MAPKAP1: variants seen among roughly 807,000 people sequenced by gnomAD.
MAPKAP1 encodes MAPK associated protein 1.
Under a neutral mutation model 65.7 loss-of-function variants are expected in MAPKAP1, and 20 were observed. That is an observed-to-expected ratio of 0.30 (90% confidence interval 0.21 to 0.44). The LOEUF is 0.44. Ranked by LOEUF, MAPKAP1 falls within the 20% of genes least tolerant of loss-of-function variation. The probability of loss-of-function intolerance (pLI) is 1.00; values close to 1 mark genes in which losing one functional copy is unlikely to be tolerated. For synonymous variants in MAPKAP1, 222 were observed against 244.3 expected (o/e 0.91, Z 0.85); for missense variants, 423 against 648.0 (o/e 0.65, Z 3.77).
chr9:125,632,795 T>C (rs2131689319), intron 4 of MAPKAP1, among the ~76,000 whole-genome samples: 1 of 152,306 alleles, frequency 6.6e-6, no homozygotes, highest in Admixed American at 6.5e-5. Flanking sequence ...CATAAATCCA[T>C]TAATCACCAC....
chr9:125,646,141 G>C (rs1029296482), intron 4 of MAPKAP1, among the ~76,000 whole-genome samples: 2 of 152,078 alleles, frequency 1.3e-5, no homozygotes, highest in African/African-American at 4.8e-5. Context: ...TGCTTTTCCT[G>C]TGTCAATCTG....
At chr9:125,476,196 A>G (rs1854101576) in intron 9 of MAPKAP1, among the ~76,000 whole-genome samples, 1 of 152,242 alleles carries the variant, frequency 6.6e-6, no homozygotes, top group South Asian at 2.1e-4. Context: ...CACTGCATTT[A>G]GTGCAAAAGT....
chr9:125,678,672 T>A (rs1305475540), intron 1 of MAPKAP1, among the ~76,000 whole-genome samples: 1 of 152,202 alleles, frequency 6.6e-6, no homozygotes, highest in Non-Finnish European at 1.5e-5. Flanking sequence ...GTTCCCAGAT[T>A]ACACACCCAT....
At chr9:125,531,509 T>G (rs568109477) in intron 7 of MAPKAP1, among the ~76,000 whole-genome samples, 1 of 152,376 alleles carries the variant, frequency 6.6e-6, no homozygotes, top group South Asian at 2.1e-4. Context: ...TGGGAGAAAC[T>G]ATGACCTCAA....
intron 3 of MAPKAP1, among the ~76,000 whole-genome samples, chr9:125,660,199 C>T (rs890619830): frequency 6.6e-6 from 1 of 152,176 alleles, no homozygotes; most frequent in Non-Finnish European, 1.5e-5. Flanking sequence ...CAGTCGTATG[C>T]TTTTAAATAC....
chr9:125,674,775 G>C (rs910815997), intron 1 of MAPKAP1, among the ~76,000 whole-genome samples: 1 of 152,078 alleles, frequency 6.6e-6, no homozygotes, highest in Non-Finnish European at 1.5e-5. Flanking sequence ...TATATTCCTT[G>C]AGTACTTATT....
intron 4 of MAPKAP1, among the ~76,000 whole-genome samples, chr9:125,630,387 C>G (rs577893754): frequency 3.3e-5 from 5 of 152,246 alleles, no homozygotes; most frequent in Non-Finnish European, 5.9e-5. Flanking sequence ...CAGTCTCAGC[C>G]GCCCAAACTT....
intron 5 of MAPKAP1, among the ~76,000 whole-genome samples, chr9:125,579,341 G>C (rs192415628): frequency 2.0e-5 from 3 of 152,166 alleles, no homozygotes; most frequent in Admixed American, 6.5e-5. Context: ...GCCCAGGCTG[G>C]AGTGCAATGG....
intron 9 of MAPKAP1, among the ~76,000 whole-genome samples, chr9:125,483,276 C>T (rs1854383566): frequency 6.6e-6 from 1 of 152,152 alleles, no homozygotes; most frequent in African/African-American, 2.4e-5. Context: ...ACATGGCTGT[C>T]TATTGATAGA....
intron 4 of MAPKAP1, among the ~76,000 whole-genome samples, chr9:125,650,026 G>A (rs1299032032): frequency 3.3e-5 from 5 of 152,008 alleles, no homozygotes; most frequent in Admixed American, 1.3e-4. Flanking sequence ...GCCGGACACG[G>A]ACCAGGAAAT....
chr9:125,637,567 G>C (rs1197353257), intron 4 of MAPKAP1, among the ~76,000 whole-genome samples: 2 of 152,156 alleles, frequency 1.3e-5, no homozygotes, highest in East Asian at 3.9e-4. Flanking sequence ...GTGTAAACTT[G>C]CTTAATGGCT....
intron 1 of MAPKAP1, among the ~76,000 whole-genome samples, chr9:125,678,485 G>A (rs1204000071): frequency 6.6e-6 from 1 of 151,862 alleles, no homozygotes; most frequent in East Asian, 1.9e-4. Context: ...CTCGTGATCC[G>A]CCCGCCTTGG....
chr9:125,549,733 C>G (rs867979315), intron 6 of MAPKAP1, among the ~76,000 whole-genome samples: 4 of 152,078 alleles, frequency 2.6e-5, no homozygotes, highest in Non-Finnish European at 4.4e-5. Context: ...TTAGCTTGCT[C>G]GACTGATTGT....
At chr9:125,574,882 A>G (rs1831346251) in intron 5 of MAPKAP1, among the ~76,000 whole-genome samples, 1 of 152,246 alleles carries the variant, frequency 6.6e-6, no homozygotes, top group Non-Finnish European at 1.5e-5. Flanking sequence ...AGAAAATCAT[A>G]CTACATGGGG....
At chr9:125,631,985 C>T (rs913236861) in intron 4 of MAPKAP1, among the ~76,000 whole-genome samples, 1 of 152,028 alleles carries the variant, frequency 6.6e-6, no homozygotes, top group South Asian at 2.1e-4. Context: ...TTTGCAAGGC[C>T]GAGGCGGGCA....
In MAPKAP1 at chr9:125,608,995, CCTAA is replaced by C. The variant is rs565093895; in HGVS notation, c.499-23272_499-23269del. Reference sequence around the variant, plus strand: ...TTTCCAATACTGCCCTACAGTGGAGCCTAACTAAGAAGATACACAAGAATTAGAC... The same window carrying C: ...TTTCCAATACTGCCCTACAGTGGAGCCTAAGAAGATACACAAGAATTAGAC... On this transcript the variant is annotated intron_variant, in intron 4 of 11. Transcript: ENST00000265960. Among the ~76,000 whole-genome samples, 89 of 152,074 alleles carry C rather than the reference CCTAA, an allele frequency of 5.9e-4. 3 individuals are homozygous for C. The South Asian group carries it at 0.016, about 28-fold the overall frequency.
In MAPKAP1 at chr9:125,676,170, C is replaced by T. The variant is rs1755902746; in HGVS notation, c.-69-3527G>A. 6.6e-5 allele frequency among the ~76,000 whole-genome samples: 10 copies of T among 152,128 alleles called. No homozygotes were observed. The South Asian group carries it at 2.1e-3, about 31-fold the overall frequency. On this transcript the variant is annotated intron_variant, in intron 1 of 11. Transcript: ENST00000265960. ...CATGCACAATATGAAGGAATGAAAA[C>T]TGGGACTTTTTAGACGGTAATTTGG...
intron 1 of MAPKAP1, among the ~76,000 whole-genome samples, chr9:125,679,308 G>T (rs975223976): frequency 4.6e-5 from 7 of 152,016 alleles, no homozygotes; most frequent in African/African-American, 1.7e-4. Flanking sequence ...AGCTGAACAC[G>T]ACTTTTTAAA....
chr9:125,440,291 C>T (rs1412392014), intron 11 of MAPKAP1, among the ~76,000 whole-genome samples: 4 of 152,194 alleles, frequency 2.6e-5, no homozygotes, highest in African/African-American at 9.7e-5. Flanking sequence ...GAAGTCAAGG[C>T]CAATGACAAT....
Sources: gnomAD v4.1 joint callset for allele counts (sites outside exome capture counted in the v4.1 genomes callset) on GRCh38, gnomAD v4.1.1 for gene constraint, MANE v1.5 for transcripts, NCBI Gene and HGNC (gene_info 2026-07-23, HGNC 2026-07-21) for gene names.